Variants in NALF1 observed in about 807,000 individuals in gnomAD.
NALF1 encodes NALCN channel auxiliary factor 1.
Under a neutral mutation model 48.4 loss-of-function variants are expected in NALF1, and 3 were observed. That is an observed-to-expected ratio of 0.06 (90% CI 0.03 to 0.16). The LOEUF (loss-of-function observed/expected upper bound fraction) is 0.16, where lower values mean the gene tolerates loss of function less well. Among genes scored for constraint, NALF1 ranks in the 10% least tolerant of loss-of-function variants. The probability of loss-of-function intolerance (pLI) is 1.00; values close to 1 mark genes in which losing one functional copy is unlikely to be tolerated. For synonymous variants in NALF1, 262 were observed against 245.7 expected (o/e 1.07, Z -0.62); for missense variants, 526 against 571.5 (o/e 0.92, Z 0.81).
chr13:107,526,624 C>G (rs1352865474), intron 1 of NALF1, among the ~76,000 whole-genome samples: 1 of 152,068 alleles, frequency 6.6e-6, no homozygotes. Flanking sequence ...GGGACTCTAA[C>G]AGAGTGTTAG....
intron 1 of NALF1, among the ~76,000 whole-genome samples, chr13:107,274,768 G>GTAT (rs1206762092): frequency 6.6e-6 from 1 of 152,086 alleles, no homozygotes; most frequent in Non-Finnish European, 1.5e-5. Context: ...GGACCCTTTA[G>GTAT]TATTATATTG....
At chr13:107,463,227 T>C (rs1382239043) in intron 1 of NALF1, among the ~76,000 whole-genome samples, 1 of 152,222 alleles carries the variant, frequency 6.6e-6, no homozygotes, top group Non-Finnish European at 1.5e-5. Flanking sequence ...TCCAACTCTA[T>C]TTTACTAACA....
chr13:107,214,531 G>A (rs960794186), intron 1 of NALF1, among the ~76,000 whole-genome samples: 1 of 152,090 alleles, frequency 6.6e-6, no homozygotes, highest in African/African-American at 2.4e-5. Flanking sequence ...GTAATGGCTC[G>A]CCGACATCCA....
intron 1 of NALF1, among the ~76,000 whole-genome samples, chr13:107,684,047 G>A (rs1000031325): frequency 3.9e-5 from 6 of 152,302 alleles, no homozygotes; most frequent in Middle Eastern, 3.4e-3. Flanking sequence ...AGAGCACTCC[G>A]GATTCAGGGC....
chr13:107,641,400 T>C (rs893113350), intron 1 of NALF1, among the ~76,000 whole-genome samples: 5 of 152,132 alleles, frequency 3.3e-5, no homozygotes, highest in Non-Finnish European at 7.4e-5. Flanking sequence ...AGCTAAAGGT[T>C]AAGAATTTGA....
chr13:107,684,151 G>C (rs575609247), intron 1 of NALF1, among the ~76,000 whole-genome samples: 1 of 152,282 alleles, frequency 6.6e-6, no homozygotes, highest in Admixed American at 6.5e-5. Flanking sequence ...ACCTCTCAGC[G>C]CTCTGTTTTA....
chr13:107,380,371 G>T (rs148468053), intron 1 of NALF1, among the ~76,000 whole-genome samples: 1 of 152,254 alleles, frequency 6.6e-6, no homozygotes, highest in African/African-American at 2.4e-5. Flanking sequence ...TATACAAATT[G>T]TCTTGAGAAA....
At chr13:107,520,646 T>C (rs1218349766) in intron 1 of NALF1, among the ~76,000 whole-genome samples, 1 of 152,216 alleles carries the variant, frequency 6.6e-6, no homozygotes, top group Admixed American at 6.5e-5. Context: ...ATCATTAATT[T>C]ATCCAACCCT....
At chr13:107,830,697 T>C (rs1409451695) in intron 1 of NALF1, among the ~76,000 whole-genome samples, 2 of 152,146 alleles carry the variant, frequency 1.3e-5, no homozygotes, top group African/African-American at 4.8e-5. Flanking sequence ...CCAAACACTC[T>C]CTCCGTGTGA....
chr13:107,866,367 C>CGCTGCTGCTGCT lies in NALF1; in HGVS notation c.218_229dup (p.Gln73_Gln76dup), dbSNP rs3832903. 1 of 1,570,246 alleles carries CGCTGCTGCTGCT rather than the reference C, an allele frequency of 6.4e-7. No homozygotes were observed. The highest frequency in any genetic ancestry group is 8.7e-7 in the Non-Finnish European group (1 of 1,145,058). ...CTGCTGCTGCTGCTGCTGCTGCTGC[C>CGCTGCTGCTGCT]GCTGCTGCTGCTGGTGCTCCTTGTC... On this transcript the variant is annotated inframe_insertion, in exon 1 of 3. Transcript: ENST00000375915. This position sits in a 1 kb window ranked among gnomAD's most constrained non-coding sequence, Gnocchi z 4.4.
intron 2 of NALF1, among the ~76,000 whole-genome samples, chr13:107,186,189 G>T (rs560964562): frequency 6.6e-6 from 1 of 152,000 alleles, no homozygotes; most frequent in Admixed American, 6.6e-5. Flanking sequence ...TATACATAGC[G>T]TTTGACGGGG....
Position 107,397,337 on chromosome 13 carries a change from T to A in NALF1, c.916-186582A>T, listed in dbSNP as rs118191657. Reference sequence around the variant, plus strand: ...CTTAGAGATGCTCCAGGACTCAACCTTTGTTCTGTGTGTTCCTGATGTTAA... The same window carrying A: ...CTTAGAGATGCTCCAGGACTCAACCATTGTTCTGTGTGTTCCTGATGTTAA... On this transcript the variant is annotated intron_variant, in intron 1 of 2. Transcript: ENST00000375915. Among the ~76,000 whole-genome samples, 435 of 152,268 alleles carry A rather than the reference T, an allele frequency of 2.9e-3. 4 individuals carry two copies. The highest frequency in any genetic ancestry group is 5.4e-3 in the Non-Finnish European group (370 of 68,016).
chr13:107,638,715 A>G (rs1356786471), intron 1 of NALF1, among the ~76,000 whole-genome samples: 5 of 152,182 alleles, frequency 3.3e-5, no homozygotes, highest in Admixed American at 2.6e-4. Context: ...AAGAGCTGGT[A>G]CCTGAATCAT....
At chr13:107,596,753 T>C (rs1878765030) in intron 1 of NALF1, among the ~76,000 whole-genome samples, 2 of 152,084 alleles carry the variant, frequency 1.3e-5, no homozygotes, top group African/African-American at 4.8e-5. Flanking sequence ...CAGCACACCA[T>C]ATGGAACATG....
Position 107,360,687 on chromosome 13 carries a change from C to A in NALF1, c.916-149932G>T, listed in dbSNP as rs114012533. The stretch of plus-strand genomic sequence containing the variant: ...TGTAAATCATATTTTAAGCATAATT[C>A]TCACCTGAGTATCATTGTCACAAAT... On this transcript the variant is annotated intron_variant, in intron 1 of 2. Coordinates refer to ENST00000375915, the MANE Select transcript of NALF1 (RefSeq NM_001080396.3). 8.3e-3 allele frequency among the ~76,000 whole-genome samples: 1,266 copies of A among 152,186 alleles called. 19 individuals carry two copies. The highest frequency in any genetic ancestry group is 0.029 in the African/African-American group (1,204 of 41,518).
intron 1 of NALF1, among the ~76,000 whole-genome samples, chr13:107,223,108 T>C (rs1447894567): frequency 6.6e-6 from 1 of 152,232 alleles, no homozygotes; most frequent in Non-Finnish European, 1.5e-5. Flanking sequence ...TTATTAGCAG[T>C]GACAGTAGTG....
chr13:107,382,277 A>G (rs1411840434), intron 1 of NALF1, among the ~76,000 whole-genome samples: 1 of 152,236 alleles, frequency 6.6e-6, no homozygotes, highest in Admixed American at 6.5e-5. Flanking sequence ...TGGCATATAA[A>G]TTATGGCTTA....
At chr13:107,196,478 T>A (rs1275670675) in intron 2 of NALF1, among the ~76,000 whole-genome samples, 3 of 152,146 alleles carry the variant, frequency 2.0e-5, no homozygotes, top group African/African-American at 7.2e-5. Flanking sequence ...TAAACTGATA[T>A]ATAAGAATAT....
At chr13:107,376,838 C>T (rs945843212) in intron 1 of NALF1, among the ~76,000 whole-genome samples, 9 of 152,174 alleles carry the variant, frequency 5.9e-5, no homozygotes, top group African/African-American at 2.2e-4. Context: ...GAGAATTGCA[C>T]AGCCCAGAAG....
Sources: gnomAD v4.1 joint callset for allele counts (sites outside exome capture counted in the v4.1 genomes callset) on GRCh38, gnomAD v4.1.1 for gene constraint, Gnocchi (gnomAD v3.1) non-coding constraint, MANE v1.5 for transcripts, NCBI Gene and HGNC (gene_info 2026-07-23, HGNC 2026-07-21) for gene names.